Variants in GAR1 observed in about 807,000 individuals in gnomAD.
The protein encoded by GAR1 is GAR1 ribonucleoprotein, also known as H/ACA ribonucleoprotein complex subunit 1.
Under a neutral mutation model 29.3 loss-of-function variants are expected in GAR1, and 11 were observed. The ratio of observed to expected loss-of-function variants is 0.38; its 90% CI spans 0.24 to 0.62. The LOEUF (loss-of-function observed/expected upper bound fraction) is 0.62, where lower values mean the gene tolerates loss of function less well. Ranked by LOEUF, GAR1 falls within the 20% of genes least tolerant of loss-of-function variation. GAR1 has a pLI of 0.62. For synonymous variants in GAR1, 87 were observed against 93.3 expected (o/e 0.93, Z 0.39); for missense variants, 237 against 268.4 (o/e 0.88, Z 0.82).
intron 4 of GAR1, among the ~76,000 whole-genome samples, chr4:109,820,242 A>T (rs1733476550): frequency 4.6e-5 from 7 of 152,188 alleles, no homozygotes; most frequent in Admixed American, 4.6e-4. Context: ...GAAGTAAAAA[A>T]ATCACCATCT....
At chr4:109,815,974 G>C (rs1733337290) in intron 1 of GAR1, 170 bp downstream of exon 1, 1 of 676,202 alleles carries the variant, frequency 1.5e-6, no homozygotes, top group African/African-American at 1.8e-5. Flanking sequence ...GCGCTCACGA[G>C]ACCATGGAGA....
intron 3 of GAR1, among the ~76,000 whole-genome samples, chr4:109,818,493 CTT>C (rs1454332402): frequency 1.3e-5 from 2 of 151,380 alleles, no homozygotes; most frequent in African/African-American, 4.9e-5. Flanking sequence ...TTCTCTCTCT[CTT>C]TCTTTCTCTC....
chr4:109,818,467 CT>C (rs1733411928), intron 3 of GAR1, among the ~76,000 whole-genome samples: 1 of 150,616 alleles, frequency 6.6e-6, no homozygotes, highest in Non-Finnish European at 1.5e-5. Context: ...TTCTCTCTTT[CT>C]TTCTTTCTCT....
chr4:109,820,217 G>A (rs907866015), intron 4 of GAR1, among the ~76,000 whole-genome samples: 2 of 152,122 alleles, frequency 1.3e-5, no homozygotes, highest in African/African-American at 2.4e-5. Context: ...TAATTGACTA[G>A]CTATTGAAAT....
At chr4:109,818,469 T>TTCTTTCTC (rs368920207) in intron 3 of GAR1, among the ~76,000 whole-genome samples, 1 of 151,694 alleles carries the variant, frequency 6.6e-6, no homozygotes, top group African/African-American at 2.4e-5. Context: ...CTCTCTTTCT[T>TTCTTTCTC]TCTTTCTCTC....
At chr4:109,817,470 GAAAAAA>G (rs372114372) in intron 2 of GAR1, among the ~76,000 whole-genome samples, 3 of 140,316 alleles carry the variant, frequency 2.1e-5, no homozygotes, top group Non-Finnish European at 4.7e-5. Context: ...TAAGGCAAGA[GAAAAAA>G]AAAAAGAATG....
chr4:109,818,076 C>T lies in GAR1; in HGVS notation c.355C>T (p.Gln119Ter). Residue 119 changes from glutamine to a stop codon, truncating the protein, a stop_gained, in exon 3 of 7, where the codon CAA (glutamine) becomes TAA (stop). Coordinates refer to ENST00000226796, the MANE Select transcript of GAR1 (RefSeq NM_018983.4). LOFTEE classifies it high-confidence loss of function. ...TGGAAAAGTGGATGAAATATTTGGA[C>T]AACTCAGAGATTTTGTATCCTTTTT... is the stretch of plus-strand genomic sequence containing the variant. Reference protein sequence around the residue: ...QIGKVDEIFGQLRDFYFSVKL... With the variant: ...QIGKVDEIFG The T allele has an allele frequency of 6.2e-7, 1 of 1,601,780 alleles. No individual in the cohort carries two copies. Among genetic ancestry groups the T allele is most frequent in the Non-Finnish European group, 8.5e-7 (1 of 1,175,688 alleles).
chr4:109,815,998 C>A (rs1733337751), intron 1 of GAR1, 155 bp from the exon 2 acceptor site: 1 of 737,536 alleles, frequency 1.4e-6, no homozygotes. Flanking sequence ...AAACTCTTCA[C>A]CCATCAGGTT....
At chr4:109,820,622 A>C (rs1560580276) in intron 4 of GAR1, among the ~76,000 whole-genome samples, 2 of 152,172 alleles carry the variant, frequency 1.3e-5, no homozygotes, top group African/African-American at 2.4e-5. Flanking sequence ...GTATCACAAA[A>C]ATTGAAAGAG....
rs779947870 is a variant in GAR1 at position 109,822,046 on chromosome 4, G to A, written c.430-301G>A. 7.9e-5 allele frequency among the ~76,000 whole-genome samples: 12 copies of A among 151,138 alleles called. No homozygotes were observed. In the East Asian group the frequency reaches 1.4e-3, roughly 17 times the overall value. On this transcript the variant is annotated intron_variant, in intron 4 of 6. Transcript: ENST00000226796. ...AATAGGGCAAATACCCGATGCATAC[G>A]GGGCTTAAAACCTAGATGATGGGTT...
chr4:109,820,957 C>T (rs1720185984), intron 4 of GAR1, among the ~76,000 whole-genome samples: 1 of 146,494 alleles, frequency 6.8e-6, no homozygotes, highest in African/African-American at 2.4e-5. Flanking sequence ...ATCAGAATCC[C>T]TTAAATCACT....
chr4:109,818,912 A>C, intron 3 of GAR1, 89 bp from the exon 4 acceptor site: 2 of 694,626 alleles, frequency 2.9e-6, no homozygotes, highest in South Asian at 3.5e-5. Context: ...ATACATTCTA[A>C]CCTTGTTTTT....
chr4:109,822,104 T>C (rs2125889930), intron 4 of GAR1, among the ~76,000 whole-genome samples: 1 of 142,144 alleles, frequency 7.0e-6, no homozygotes, highest in South Asian at 2.3e-4. Flanking sequence ...GGCACATGTG[T>C]ACCTATGTAA....
At chr4:109,824,190 AC>A (rs1733591889) in intron 6 of GAR1, among the ~76,000 whole-genome samples, 157 bp downstream of exon 6, 2 of 140,344 alleles carry the variant, frequency 1.4e-5, no homozygotes, top group Admixed American at 1.6e-4. Context: ...ATTTTATATC[AC>A]TTTTTTTTTG....
intron 5 of GAR1, among the ~76,000 whole-genome samples, chr4:109,823,595 C>T (rs1171441652): frequency 6.6e-6 from 1 of 152,182 alleles, no homozygotes; most frequent in Non-Finnish European, 1.5e-5. Flanking sequence ...TAAAAAGCCA[C>T]AGTTCCATCA....
At chr4:109,817,215 A>G (rs918474973) in intron 2 of GAR1, among the ~76,000 whole-genome samples, 2 of 152,124 alleles carry the variant, frequency 1.3e-5, no homozygotes, top group Non-Finnish European at 2.9e-5. Context: ...AAAAAAAAGG[A>G]AGGGTTAGAT....
intron 2 of GAR1, among the ~76,000 whole-genome samples, 181 bp downstream of exon 2, chr4:109,816,559 G>A (rs897193050): frequency 1.3e-5 from 2 of 152,176 alleles, no homozygotes; most frequent in Non-Finnish European, 2.9e-5. Context: ...GGAACTTGAG[G>A]GTTGACAGGA....
intron 1 of GAR1, 60 bp from the exon 2 acceptor site, chr4:109,816,093 G>T (rs1357248734): frequency 1.4e-5 from 21 of 1,487,178 alleles, no homozygotes; most frequent in Non-Finnish European, 1.9e-5. Flanking sequence ...GCTCCGAGGG[G>T]TTGGAGTATA....
rs550657633 is a variant in GAR1, at chr4:109,822,421, A to G, written c.504A>G (p.Pro168=). 16 of 1,611,408 alleles carry G rather than the reference A, an allele frequency of 9.9e-6. No homozygotes were observed. In the South Asian group the frequency reaches 1.6e-4, roughly 17 times the overall value. ...LPRPPGEKGP[P]RGGGRGGRGG... ...GACCTCCAGGTGAGAAAGGACCTCC[A>G]AGAGGTGGTGGCAGGGGAGGCCGAG... The change falls in exon 5 of 7, where the codon CCA becomes CCG. Residue 168 remains proline, a synonymous_variant. Coordinates refer to ENST00000226796, the MANE Select transcript of GAR1 (RefSeq NM_018983.4).
Sources: gnomAD v4.1 joint callset for allele counts (sites outside exome capture counted in the v4.1 genomes callset) on GRCh38, gnomAD v4.1.1 for gene constraint, MANE v1.5 for transcripts, NCBI Gene and HGNC (gene_info 2026-07-23, HGNC 2026-07-21) for gene names.